INPP4B: variants seen among roughly 807,000 people sequenced by gnomAD.
INPP4B encodes inositol polyphosphate 4-phosphatase type II.
Under a neutral mutation model 122.5 loss-of-function variants are expected in INPP4B, and 55 were observed. The observed-to-expected ratio is 0.45, with a 90% CI of 0.36 to 0.56. INPP4B has a LOEUF of 0.56. Among genes scored for constraint, INPP4B ranks in the 20% least tolerant of loss-of-function variants. INPP4B has a pLI of 0.00. For synonymous variants in INPP4B, 403 were observed against 388.7 expected (o/e 1.04, Z -0.43); for missense variants, 1,000 against 1,097.7 (o/e 0.91, Z 1.26).
rs1250864804 is a variant in INPP4B, at chr4:142,802,960, A to G, written c.-254+43249T>C. On this transcript the variant is annotated intron_variant, in intron 1 of 25. Coordinates refer to ENST00000262992, the MANE Select transcript of INPP4B (RefSeq NM_001101669.3). The stretch of plus-strand genomic sequence containing the variant: ...CGAGGCAGGTGGATCACCTAAGGTC[A>G]GGAGTTCGAGACCAGCCTGGCCAAC... 2.6e-5 allele frequency among the ~76,000 whole-genome samples: 4 copies of G among 151,948 alleles called. No individual in the cohort carries two copies. The East Asian group carries it at 7.7e-4, about 29-fold the overall frequency.
intron 2 of INPP4B, among the ~76,000 whole-genome samples, chr4:142,637,663 T>C (rs893343511): frequency 6.6e-6 from 1 of 152,198 alleles, no homozygotes; most frequent in African/African-American, 2.4e-5. Flanking sequence ...TAAACATTCA[T>C]GTGCAAGTTT....
At chr4:142,801,299 T>C (rs1363645487) in intron 1 of INPP4B, among the ~76,000 whole-genome samples, 2 of 152,166 alleles carry the variant, frequency 1.3e-5, no homozygotes, top group Non-Finnish European at 2.9e-5. Context: ...ATATTGAAGC[T>C]CTAATCCCCA....
Position 142,645,656 on chromosome 4 carries a change from C to A in INPP4B, c.-191+80183G>T, listed in dbSNP as rs137969192. Among the ~76,000 whole-genome samples, 404 of 152,192 alleles carry A rather than the reference C, an allele frequency of 2.7e-3. 6 individuals carry two copies. Among genetic ancestry groups the A allele is most frequent in the East Asian group, 0.018 (95 of 5,162 alleles). ...GGCAGAAGCCGGATGTTAAGGCTGG[C>A]AAAACAATGAGATAAAAGGAGTCTG... On this transcript the variant is annotated intron_variant, in intron 2 of 25. Coordinates refer to ENST00000262992, the MANE Select transcript of INPP4B (RefSeq NM_001101669.3).
intron 2 of INPP4B, among the ~76,000 whole-genome samples, chr4:142,538,961 CAA>C (rs1455636000): frequency 6.6e-6 from 1 of 151,136 alleles, no homozygotes; most frequent in African/African-American, 2.4e-5. Context: ...AATTATACCT[CAA>C]AAAAGATAAA....
At chr4:142,316,585 C>T (rs1171324897) in intron 7 of INPP4B, among the ~76,000 whole-genome samples, 1 of 151,952 alleles carries the variant, frequency 6.6e-6, no homozygotes, top group Admixed American at 6.6e-5. Flanking sequence ...CTATTATATA[C>T]ATTAATTTTT....
rs1365334774 is a variant in INPP4B, at chr4:142,188,495, AAAAAAAAAAAAAAAAG to A, written c.1181+4576_1181+4591del. On this transcript the variant is annotated intron_variant, in intron 15 of 25. Transcript: ENST00000262992. ...GAGTGAGACTCCATCTCAAAAAAAAAAAAAAAAAAAAAAAAGAAAAAAAATATATATAGCTTGACTT... is the reference window on the plus strand; with the variant it reads ...GAGTGAGACTCCATCTCAAAAAAAAAAAAAAAAATATATATAGCTTGACTT... Among the ~76,000 whole-genome samples the A allele has an allele frequency of 1.7e-4, 18 of 103,742 alleles. 1 individual carries two copies. Among genetic ancestry groups the A allele is most frequent in the African/African-American group, 7.5e-4 (15 of 19,972 alleles). 68.1% of individuals were successfully genotyped at this position (103,742 alleles called of 152,430 possible). A position where few individuals can be genotyped will look rare whatever the true frequency, so the allele number is the denominator to read the frequency against.
chr4:142,637,670 GT>G (rs1350112168), intron 2 of INPP4B, among the ~76,000 whole-genome samples: 1 of 152,164 alleles, frequency 6.6e-6, no homozygotes, highest in East Asian at 1.9e-4. Context: ...TCATGTGCAA[GT>G]TTTTGTGTGA....
intron 3 of INPP4B, among the ~76,000 whole-genome samples, chr4:142,443,548 C>T (rs931140544): frequency 6.6e-6 from 1 of 152,074 alleles, no homozygotes; most frequent in African/African-American, 2.4e-5. Flanking sequence ...GAAAGTCCCA[C>T]CCCAAGACCC....
intron 7 of INPP4B, among the ~76,000 whole-genome samples, chr4:142,330,912 C>T (rs1774217703): frequency 6.6e-6 from 1 of 152,106 alleles, no homozygotes; most frequent in Non-Finnish European, 1.5e-5. Flanking sequence ...TAAGCAATGT[C>T]CATTCACAGG....
chr4:142,276,731 G>T (rs936477134), intron 9 of INPP4B, among the ~76,000 whole-genome samples: 5 of 151,944 alleles, frequency 3.3e-5, no homozygotes, highest in African/African-American at 1.2e-4. Context: ...TAGAAATGTT[G>T]ATCATCAGTT....
At chr4:142,551,784 T>C (rs148362287) in intron 2 of INPP4B, among the ~76,000 whole-genome samples, 54 of 152,238 alleles carry the variant, frequency 3.5e-4, no homozygotes, top group Middle Eastern at 3.4e-3. Context: ...CAATTACATA[T>C]AGAAAACTTT....
chr4:142,385,319 T>C (rs898165077), intron 7 of INPP4B, among the ~76,000 whole-genome samples: 1 of 152,008 alleles, frequency 6.6e-6, no homozygotes. Context: ...TGTGAGATGG[T>C]ATCTCATCGT....
chr4:142,136,037 T>C (rs759596112), intron 18 of INPP4B, among the ~76,000 whole-genome samples: 2 of 152,204 alleles, frequency 1.3e-5, no homozygotes, highest in African/African-American at 2.4e-5. Flanking sequence ...GACCTTGTGA[T>C]CCACCTACCT....
intron 1 of INPP4B, among the ~76,000 whole-genome samples, chr4:142,811,401 C>T (rs943502489): frequency 2.0e-5 from 3 of 152,142 alleles, no homozygotes; most frequent in African/African-American, 7.2e-5. Flanking sequence ...CCTGTCCTGA[C>T]CCAAAGACAT....
At chr4:142,567,570 A>C (rs577147558) in intron 2 of INPP4B, among the ~76,000 whole-genome samples, 172 of 152,344 alleles carry the variant, frequency 1.1e-3, no homozygotes, top group Middle Eastern at 3.4e-3. Flanking sequence ...TAGGTAATAC[A>C]TGAAAATGTT....
rs199940140 is a variant in INPP4B at position 142,122,213 on chromosome 4, C to T, written c.2050G>A (p.Val684Ile). ...DEIGMLEDMA[V>I]GISDLKKVAF... ...ACTTTCTTTAAATCGGAAATGCCAA[C>T]GGCCATGTCCTCTAGCATTCCAATT... The change falls in exon 21 of 26, where the codon GTT becomes ATT. Residue 684 changes from valine to isoleucine, a missense_variant. Transcript: ENST00000262992. 3.7e-5 allele frequency: 60 copies of T among 1,611,396 alleles called. No individual in the cohort carries two copies. In the East Asian group the frequency reaches 6.9e-4, roughly 19 times the overall value.
At chr4:142,315,035 C>T (rs538015865) in intron 7 of INPP4B, among the ~76,000 whole-genome samples, 1 of 152,120 alleles carries the variant, frequency 6.6e-6, no homozygotes, top group Non-Finnish European at 1.5e-5. Flanking sequence ...CTTTAATCTC[C>T]TAAAAAGGCA....
At chr4:142,226,257 C>G (rs1283654491) in intron 12 of INPP4B, among the ~76,000 whole-genome samples, 7 of 152,224 alleles carry the variant, frequency 4.6e-5, no homozygotes, top group African/African-American at 1.2e-4. Flanking sequence ...CACACACACA[C>G]AGACCTTAAA....
At chr4:142,416,961 G>A (rs1405106917) in intron 5 of INPP4B, among the ~76,000 whole-genome samples, 1 of 152,186 alleles carries the variant, frequency 6.6e-6, no homozygotes, top group East Asian at 1.9e-4. Context: ...TGGCTGGAAA[G>A]CAGAGGGTCT....
Sources: allele counts gnomAD v4.1 joint callset (sites outside exome capture counted in the v4.1 genomes callset), GRCh38; gene constraint gnomAD v4.1.1; transcripts MANE v1.5; gene names NCBI Gene and HGNC (gene_info 2026-07-23, HGNC 2026-07-21).